The following INSL6 variants were observed in gnomAD, a reference collection of about 807,000 sequenced individuals.
INSL6 encodes the protein insulin-like peptide INSL6.
In INSL6, 16 loss-of-function variants were observed where a neutral mutation model predicts 9.4. The ratio of observed to expected loss-of-function variants is 1.70; its 90% CI spans 1.15 to 2.59. The LOEUF (loss-of-function observed/expected upper bound fraction) is 2.59, where lower values mean the gene tolerates loss of function less well. Among genes scored for constraint, INSL6 ranks in the 30% most tolerant of loss-of-function variants. The pLI is 0.00. For missense variants in INSL6, 391 were observed against 257.3 expected, an observed-to-expected ratio of 1.52 and a Z score of -3.56; for synonymous variants, 154 against 96.9, an observed-to-expected ratio of 1.59 and a Z score of -3.46.
the INSL6 span, among the ~76,000 whole-genome samples, chr9:5,011,807 T>C: frequency 3.3e-5 from 5 of 152,234 alleles, no homozygotes; most frequent in East Asian, 9.6e-4. Context: ...AACTTGATCC[T>C]GCGGAGGCTT....
the INSL6 span, among the ~76,000 whole-genome samples, chr9:5,016,308 A>G: frequency 6.6e-6 from 1 of 152,140 alleles, no homozygotes; most frequent in Non-Finnish European, 1.5e-5. Flanking sequence ...CTGCTGTTAT[A>G]AGACCTGGTT....
chr9:5,103,703 T>C, the INSL6 span, among the ~76,000 whole-genome samples: 2 of 151,786 alleles, frequency 1.3e-5, no homozygotes, highest in Admixed American at 6.6e-5. Flanking sequence ...AGAACAGATA[T>C]CACAACAAAC....
At chr9:5,032,887 C>T in the INSL6 span, among the ~76,000 whole-genome samples, 1 of 152,170 alleles carries the variant, frequency 6.6e-6, no homozygotes. Context: ...CGGAACAAAG[C>T]CGGATGGAGA....
At chr9:5,109,957 A>C in the INSL6 span, 8 of 152,212 alleles carry the variant, frequency 5.3e-5, no homozygotes, top group African/African-American at 1.9e-4. Flanking sequence ...GCAGATGCTA[A>C]TACAGCAGCC....
At chr9:5,013,753 C>G in the INSL6 span, among the ~76,000 whole-genome samples, 1 of 152,114 alleles carries the variant, frequency 6.6e-6, no homozygotes, top group African/African-American at 2.4e-5. Flanking sequence ...TCATTTTCTT[C>G]TTGTCATTTT....
chr9:5,079,631 G>A, the INSL6 span, among the ~76,000 whole-genome samples: 2 of 151,684 alleles, frequency 1.3e-5, no homozygotes, highest in Non-Finnish European at 2.9e-5. Flanking sequence ...GCAATTTTAG[G>A]ATAAACTATA....
chr9:5,171,161 A>G (rs1825173160), intron 1 of INSL6, among the ~76,000 whole-genome samples: 1 of 152,176 alleles, frequency 6.6e-6, no homozygotes, highest in Non-Finnish European at 1.5e-5. Context: ...CTTCATGTCC[A>G]GGGTGCAAGG....
At chr9:5,080,786 C>G in the INSL6 span, 1 of 813,550 alleles carries the variant, frequency 1.2e-6, no homozygotes, top group African/African-American at 1.8e-5. Context: ...TTCTTGATGT[C>G]ATTTGGGCCC....
the INSL6 span, chr9:5,112,574 G>A: frequency 1.0e-5 from 7 of 668,240 alleles, no homozygotes; most frequent in Middle Eastern, 3.1e-4. Context: ...GAGCGGCTGC[G>A]GGTCCCTTAA....
At chr9:5,102,650 C>T in the INSL6 span, among the ~76,000 whole-genome samples, 18 of 152,296 alleles carry the variant, frequency 1.2e-4, 1 homozygote, top group African/African-American at 4.1e-4. Context: ...AGAGAAATGT[C>T]GGGTTGCCCA....
At chr9:5,020,695 C>T in the INSL6 span, among the ~76,000 whole-genome samples, 1 of 152,160 alleles carries the variant, frequency 6.6e-6, no homozygotes, top group Non-Finnish European at 1.5e-5. Context: ...GGTGGTAGAG[C>T]TTGTCCTCAG....
At chr9:5,177,842 T>C (rs1310333590) in intron 1 of INSL6, among the ~76,000 whole-genome samples, 2 of 152,210 alleles carry the variant, frequency 1.3e-5, no homozygotes, top group African/African-American at 4.8e-5. Context: ...GCACAGCTGC[T>C]GTGCCAGACT....
At chr9:5,024,079 A>G in the INSL6 span, among the ~76,000 whole-genome samples, 7 of 152,094 alleles carry the variant, frequency 4.6e-5, no homozygotes, top group South Asian at 6.2e-4. Flanking sequence ...ATATGGTGAA[A>G]CCTCATCTCT....
chr9:5,138,087 T>C (rs999284272), intron 2 of INSL6, among the ~76,000 whole-genome samples: 1 of 152,164 alleles, frequency 6.6e-6, no homozygotes, highest in African/African-American at 2.4e-5. Context: ...AAACAACAGA[T>C]GCTGGAGAGG....
At chr9:5,114,053 C>T in the INSL6 span, 1 of 329,088 alleles carries the variant, frequency 3.0e-6, no homozygotes, top group Non-Finnish European at 6.1e-6. Flanking sequence ...ATGAGCTGGC[C>T]TCCACACAAA....
chr9:5,074,219 C>T, the INSL6 span, among the ~76,000 whole-genome samples: 1 of 152,006 alleles, frequency 6.6e-6, no homozygotes, highest in Non-Finnish European at 1.5e-5. Context: ...TATTTTTTGG[C>T]TAAATTTAGG....
the INSL6 span, among the ~76,000 whole-genome samples, chr9:5,047,537 G>A: frequency 6.6e-6 from 1 of 152,098 alleles, no homozygotes; most frequent in African/African-American, 2.4e-5. Context: ...CATGTTCTTG[G>A]CATCATTTCT....
the INSL6 span, chr9:5,077,650 C>T: frequency 4.0e-6 from 4 of 991,678 alleles, no homozygotes; most frequent in African/African-American, 1.7e-5. Context: ...ATTATCTTTA[C>T]CTGGAAACAA....
chr9:5,170,745 A>G (rs1184844989), intron 1 of INSL6, among the ~76,000 whole-genome samples: 4 of 152,142 alleles, frequency 2.6e-5, no homozygotes, highest in Admixed American at 6.6e-5. Context: ...TCTAGACACA[A>G]TGGATAAATT....
Sources: allele counts gnomAD v4.1 joint callset (sites outside exome capture counted in the v4.1 genomes callset), GRCh38; gene constraint gnomAD v4.1.1; transcripts MANE v1.5; gene names NCBI Gene and HGNC (gene_info 2026-07-23, HGNC 2026-07-21).